ST8SIA6: variants seen among roughly 807,000 people sequenced by gnomAD.
The protein encoded by ST8SIA6 is alpha-2,8-sialyltransferase 8F.
Under a neutral mutation model 33.6 loss-of-function variants are expected in ST8SIA6, and 39 were observed. The observed-to-expected ratio is 1.16, with a 90% CI of 0.90 to 1.52. The LOEUF is 1.52. Ranked by LOEUF, ST8SIA6 falls within the 40% of genes most tolerant of loss-of-function variation. The pLI is 0.00. For missense variants in ST8SIA6, 441 were observed against 443.8 expected (o/e 0.99, Z 0.06); for synonymous variants, 172 against 167.2 (o/e 1.03, Z -0.22).
chr10:17,358,706 G>T (rs940443932), intron 4 of ST8SIA6, among the ~76,000 whole-genome samples: 8 of 130,820 alleles, frequency 6.1e-5, no homozygotes, highest in Admixed American at 2.3e-4. Context: ...AGGAGGAGGA[G>T]GAGGAAAGAA....
intron 3 of ST8SIA6, among the ~76,000 whole-genome samples, chr10:17,371,278 C>G (rs947922769): frequency 2.0e-5 from 3 of 152,066 alleles, no homozygotes; most frequent in Admixed American, 2.0e-4. Context: ...TACAGGCATT[C>G]CAGGAAAGCT....
At chr10:17,396,420 A>C (rs190221349) in intron 2 of ST8SIA6, among the ~76,000 whole-genome samples, 1 of 152,306 alleles carries the variant, frequency 6.6e-6, no homozygotes, top group Non-Finnish European at 1.5e-5. Context: ...CCATGGCTAC[A>C]CTAGGCATCC....
chr10:17,369,672 A>G (rs1327869817), intron 3 of ST8SIA6, among the ~76,000 whole-genome samples: 1 of 139,360 alleles, frequency 7.2e-6, no homozygotes, highest in African/African-American at 2.7e-5. Context: ...TTGAATTATT[A>G]TTGTTGACTT....
In ST8SIA6 at chr10:17,320,597, C is replaced by G; in HGVS notation, c.*281G>C. ...GTATAAATAGTAAGAAAGAAATATT[C>G]TTTGAGTCCCTACCTCACACCAAAG... On this transcript the variant is annotated 3_prime_UTR_variant, in exon 8 of 8. Coordinates refer to ENST00000377602, the MANE Select transcript of ST8SIA6 (RefSeq NM_001004470.3). 1 of 380,622 alleles carries G rather than the reference C, an allele frequency of 2.6e-6. No individual in the cohort carries two copies. Among genetic ancestry groups the G allele is most frequent in the South Asian group, 3.6e-5 (1 of 27,624 alleles). 23.6% of individuals were successfully genotyped at this position (380,622 alleles called of 1,614,324 possible). A position where few individuals can be genotyped will look rare whatever the true frequency, so the allele number is the denominator to read the frequency against.
chr10:17,378,265 G>A (rs1326273025), intron 3 of ST8SIA6, among the ~76,000 whole-genome samples: 1 of 152,196 alleles, frequency 6.6e-6, no homozygotes, highest in Non-Finnish European at 1.5e-5. Flanking sequence ...TGAAAAAGAT[G>A]TCTTCCATGA....
chr10:17,359,574 A>C lies in ST8SIA6; in HGVS notation c.317T>G (p.Ile106Ser), dbSNP rs760112057. 1.9e-6 allele frequency: 3 copies of C among 1,606,008 alleles called. No individual in the cohort carries two copies. The highest frequency in any genetic ancestry group is 1.7e-6 in the Non-Finnish European group (2 of 1,177,066). Residue 106 changes from isoleucine to serine, a missense_variant, in exon 4 of 8, where the codon ATT becomes AGT. Coordinates refer to ENST00000377602, the MANE Select transcript of ST8SIA6 (RefSeq NM_001004470.3). ...KGYSENDYLQ[I>S]ITDIQSCPWK... is the part of the protein sequence containing the mutation. ...TGGACAACTCTGTATATCTGTGATA[A>C]TCTGAAGGTAGTCGTTCTCTGAATA...
chr10:17,348,445 T>C (rs1049357703), intron 4 of ST8SIA6, among the ~76,000 whole-genome samples: 1 of 152,188 alleles, frequency 6.6e-6, no homozygotes, highest in African/African-American at 2.4e-5. Flanking sequence ...AACTTCAATT[T>C]ACCAGGCCAA....
intron 2 of ST8SIA6, among the ~76,000 whole-genome samples, chr10:17,405,605 T>C (rs112957654): frequency 0.033 from 4,920 of 148,982 alleles, 86 homozygotes; most frequent in South Asian, 0.058. Flanking sequence ...AGTTATTGGC[T>C]GGATGTGGTG....
chr10:17,383,856 A>T (rs1052372887), intron 3 of ST8SIA6, among the ~76,000 whole-genome samples: 1 of 152,202 alleles, frequency 6.6e-6, no homozygotes, highest in Non-Finnish European at 1.5e-5. Flanking sequence ...TCAGACTCTT[A>T]AAACATTTCT....
chr10:17,453,645 C>T lies in ST8SIA6; in HGVS notation c.114G>A (p.Glu38=), dbSNP rs1853005411. The change falls in exon 2 of 8, where the codon GAG becomes GAA. Residue 38 remains glutamate, a synonymous_variant. Transcript: ENST00000377602. The part of the protein sequence containing the change: ...DAPGRARILV[E]ESREATHGTP... ...TGCCGTGGGTGGCCTCCCTGCTTTC[C>T]TCCACCAGAATCCTGCACAGCCGGG... 1 of 1,322,524 alleles carries T rather than the reference C, an allele frequency of 7.6e-7. No homozygotes were observed. Among genetic ancestry groups the T allele is most frequent in the Non-Finnish European group, 9.7e-7 (1 of 1,028,404 alleles). 81.9% of individuals were successfully genotyped at this position (1,322,524 alleles called of 1,614,324 possible). A position where few individuals can be genotyped will look rare whatever the true frequency, so the allele number is the denominator to read the frequency against.
chr10:17,345,717 G>C (rs7067707), intron 4 of ST8SIA6, among the ~76,000 whole-genome samples: 1 of 151,972 alleles, frequency 6.6e-6, no homozygotes, highest in African/African-American at 2.4e-5. Flanking sequence ...TTCTATGGGA[G>C]AGGGCAAAGC....
rs1310038925 is a variant in ST8SIA6, at chr10:17,454,178, C to T, written c.78G>A (p.Pro26=). 1.8e-5 allele frequency: 5 copies of T among 281,832 alleles called. No homozygotes were observed. Among genetic ancestry groups the T allele is most frequent in the Non-Finnish European group, 2.6e-5 (4 of 153,720 alleles). The allele number at this position is 281,832 out of a possible 1,614,324, so 17.5% of individuals were successfully genotyped here. ...ACCTGGCGCGGCCGGGCGCGTCTGC[C>T]GGGCACCAGAGCAGGCGCAGCAGCA... ...LLLLLRLLWC[P]ADAPGRARIL... is the part of the protein sequence containing the mutation. The change falls in exon 1 of 8, where the codon CCG becomes CCA. Residue 26 remains proline (P), a synonymous_variant. Coordinates refer to ENST00000377602, the MANE Select transcript of ST8SIA6 (RefSeq NM_001004470.3). This position sits in a 1 kb window ranked among gnomAD's most constrained non-coding sequence, Gnocchi z 4.1.
rs1053243764 is a variant in ST8SIA6 at position 17,426,003 on chromosome 10, G to A, written c.200+27556C>T. On this transcript the variant is annotated intron_variant, in intron 2 of 7. Coordinates refer to ENST00000377602, the MANE Select transcript of ST8SIA6 (RefSeq NM_001004470.3). ...CCTCCTTATCACAGGAACCAGTCACGGTTCCTGCTTATCTCTGAGTAGTGG... is the reference window on the plus strand; with the variant it reads ...CCTCCTTATCACAGGAACCAGTCACAGTTCCTGCTTATCTCTGAGTAGTGG... Among the ~76,000 whole-genome samples, 11 of 152,122 alleles carry A rather than the reference G, an allele frequency of 7.2e-5. No homozygotes were observed. The South Asian group carries it at 8.3e-4, about 11-fold the overall frequency.
chr10:17,348,616 G>T (rs1235460902), intron 4 of ST8SIA6, among the ~76,000 whole-genome samples: 1 of 152,154 alleles, frequency 6.6e-6, no homozygotes, highest in African/African-American at 2.4e-5. Context: ...ACCTAAAGGG[G>T]CCCTAACTGC....
At chr10:17,321,435 C>G in intron 7 of ST8SIA6, 89 bp from the exon 8 acceptor site, 1 of 1,073,682 alleles carries the variant, frequency 9.3e-7, no homozygotes, top group Non-Finnish European at 1.3e-6. Context: ...TACCATTGGT[C>G]AAAACACTGA....
chr10:17,426,966 G>T (rs763901878), intron 2 of ST8SIA6, among the ~76,000 whole-genome samples: 5 of 152,130 alleles, frequency 3.3e-5, no homozygotes, highest in African/African-American at 1.2e-4. Context: ...GCCAGGCATG[G>T]TGGTGTGCAC....
chr10:17,327,021 C>T lies in ST8SIA6; in HGVS notation c.628G>A (p.Val210Ile), dbSNP rs755928011. 13 of 1,595,786 alleles carry T rather than the reference C, an allele frequency of 8.1e-6. No individual in the cohort carries two copies. In the African/African-American group the frequency reaches 8.1e-5, roughly 10 times the overall value. Residue 210 changes from valine to isoleucine, a missense_variant, in exon 6 of 8, where the codon GTT (valine) becomes ATT (isoleucine). Physicochemically the swap from Val to Ile is conservative, Grantham distance 29. Transcript: ENST00000377602. ...CAATTTGTCAGGTCTTACCTAAAAA[C>T]GAAGTCGGATTTATCTATTTCAGTT... ...CGTEIDKSDFVFRCNLPPTTG... is the reference protein window; with the variant it reads ...CGTEIDKSDFIFRCNLPPTTG...
chr10:17,341,724 C>T (rs1207721388), intron 4 of ST8SIA6, among the ~76,000 whole-genome samples: 2 of 151,318 alleles, frequency 1.3e-5, no homozygotes, highest in East Asian at 3.9e-4. Context: ...CATGGTGAAA[C>T]CCCCATCTCT....
At chr10:17,448,576 G>A (rs1483558950) in intron 2 of ST8SIA6, among the ~76,000 whole-genome samples, 1 of 151,280 alleles carries the variant, frequency 6.6e-6, no homozygotes. Context: ...CTCACTTATG[G>A]CATTATGGCA....
Sources: gnomAD v4.1 joint callset for allele counts (sites outside exome capture counted in the v4.1 genomes callset) on GRCh38, gnomAD v4.1.1 for gene constraint, Gnocchi (gnomAD v3.1) non-coding constraint, MANE v1.5 for transcripts, NCBI Gene and HGNC (gene_info 2026-07-23, HGNC 2026-07-21) for gene names.